The following RALGPS2 variants were observed in gnomAD, a reference collection of about 807,000 sequenced individuals.
RALGPS2 encodes the protein ras-specific guanine nucleotide-releasing factor RalGPS2.
RALGPS2 carries 43 observed loss-of-function variants against 86.8 expected under a neutral mutation model. The ratio of observed to expected loss-of-function variants is 0.50; its 90% confidence interval spans 0.39 to 0.64. The LOEUF is 0.64. RALGPS2 is among the 30% of genes least tolerant of loss of function. The pLI, the probability that RALGPS2 is intolerant of heterozygous loss-of-function variation, is 0.00. For synonymous variants in RALGPS2, 243 were observed against 231.3 expected (o/e 1.05, Z -0.46); for missense variants, 536 against 694.6 (o/e 0.77, Z 2.57).
At chr1:178,795,580 A>G (rs1244526816) in intron 4 of RALGPS2, among the ~76,000 whole-genome samples, 1 of 151,622 alleles carries the variant, frequency 6.6e-6, no homozygotes, top group Non-Finnish European at 1.5e-5. Flanking sequence ...CACCTGGCTA[A>G]TTTTTGTATT....
At chr1:178,740,845 C>T (rs780373827) in intron 1 of RALGPS2, among the ~76,000 whole-genome samples, 3 of 152,112 alleles carry the variant, frequency 2.0e-5, no homozygotes, top group Non-Finnish European at 4.4e-5. Context: ...AGAATTCTGG[C>T]TTTTTTACCA....
At chr1:178,815,539 C>T (rs1258552614) in intron 6 of RALGPS2, among the ~76,000 whole-genome samples, 1 of 152,080 alleles carries the variant, frequency 6.6e-6, no homozygotes, top group Non-Finnish European at 1.5e-5. Flanking sequence ...ATTTACTGAT[C>T]CTTAATTTCT....
chr1:178,768,851 A>T (rs866628044), intron 1 of RALGPS2, among the ~76,000 whole-genome samples: 4 of 152,344 alleles, frequency 2.6e-5, no homozygotes, highest in Middle Eastern at 6.8e-3. Flanking sequence ...CTACACATAG[A>T]TAGGAGTGGC....
intron 6 of RALGPS2, among the ~76,000 whole-genome samples, chr1:178,821,286 G>A (rs1360898320): frequency 6.6e-6 from 1 of 152,184 alleles, no homozygotes; most frequent in Non-Finnish European, 1.5e-5. Flanking sequence ...GTATAAGGGA[G>A]ACTGTTTACT....
intron 6 of RALGPS2, among the ~76,000 whole-genome samples, chr1:178,812,828 A>G (rs914680646): frequency 2.0e-5 from 3 of 151,930 alleles, no homozygotes; most frequent in East Asian, 1.9e-4. Context: ...CTAACATTCT[A>G]TGGCACTAGG....
chr1:178,810,455 G>A (rs141901291), intron 5 of RALGPS2, among the ~76,000 whole-genome samples: 165 of 151,528 alleles, frequency 1.1e-3, no homozygotes, highest in African/African-American at 3.8e-3. Context: ...TTAAGTTGGT[G>A]AACATGCACT....
intron 6 of RALGPS2, among the ~76,000 whole-genome samples, chr1:178,819,532 G>A (rs756795285): frequency 6.6e-6 from 1 of 152,142 alleles, no homozygotes. Context: ...TGGGCAATGT[G>A]TCCCATGAAG....
rs368946805 is a variant in RALGPS2 at position 178,809,075 on chromosome 1, C to T, written c.297+947C>T. Among the ~76,000 whole-genome samples the T allele has an allele frequency of 1.4e-4, 22 of 152,064 alleles. No individual in the cohort carries two copies. In the East Asian group the frequency reaches 3.9e-3, roughly 27 times the overall value. ...ATGTTGCCCAAGCTGGTCTCGAACT[C>T]CTGGCCTCAAGCGATCCTCCTGCCT... is the stretch of plus-strand genomic sequence containing the variant. On this transcript the variant is annotated intron_variant, in intron 5 of 19. Transcript: ENST00000367635.
At position 178,736,233 on chromosome 1, in the gene RALGPS2, G is replaced by T. The variant is rs116901590; in HGVS notation, c.-84+10814G>T. On this transcript the variant is annotated intron_variant, in intron 1 of 19. Transcript: ENST00000367635. ...CAGCCTGGAGTGCAGTGGTGATCTC[G>T]GCTCACTGCAGCCTCCGCCTCCTGG... Among the ~76,000 whole-genome samples, 1,536 of 149,346 alleles carry T rather than the reference G, an allele frequency of 0.01. 84 individuals carry two copies. In the East Asian group the frequency reaches 0.17, roughly 16 times the overall value.
chr1:178,913,707 A>T (rs921556721), intron 19 of RALGPS2, among the ~76,000 whole-genome samples: 1 of 152,096 alleles, frequency 6.6e-6, no homozygotes, highest in Non-Finnish European at 1.5e-5. Flanking sequence ...TAAGTTGGGT[A>T]TAGTCAATTG....
chr1:178,874,896 A>G (rs7555346), intron 8 of RALGPS2, among the ~76,000 whole-genome samples: 3,323 of 152,304 alleles, frequency 0.022, 141 homozygotes, highest in African/African-American at 0.076. Flanking sequence ...GATTACAGGC[A>G]TGAGCCACCG....
chr1:178,792,378 T>C (rs1420892874), intron 4 of RALGPS2, among the ~76,000 whole-genome samples: 1 of 152,236 alleles, frequency 6.6e-6, no homozygotes, highest in African/African-American at 2.4e-5. Context: ...TCTGTCCTTC[T>C]TCTGTTCTCC....
chr1:178,848,701 C>T (rs918825566), intron 8 of RALGPS2, among the ~76,000 whole-genome samples: 7 of 152,138 alleles, frequency 4.6e-5, no homozygotes, highest in African/African-American at 1.7e-4. Context: ...CCCCCAGGCT[C>T]GAGTGCAGTG....
intron 1 of RALGPS2, among the ~76,000 whole-genome samples, chr1:178,758,771 G>C (rs1273102006): frequency 6.6e-6 from 1 of 152,156 alleles, no homozygotes; most frequent in Non-Finnish European, 1.5e-5. Context: ...TGATGTATAT[G>C]TATAATATTT....
intron 4 of RALGPS2, among the ~76,000 whole-genome samples, chr1:178,807,075 G>A (rs1414098782): frequency 6.6e-6 from 1 of 152,182 alleles, no homozygotes; most frequent in African/African-American, 2.4e-5. Flanking sequence ...ATTCATGCCT[G>A]TAATCCCAGC....
At chr1:178,820,928 A>G (rs968385654) in intron 6 of RALGPS2, among the ~76,000 whole-genome samples, 3 of 152,226 alleles carry the variant, frequency 2.0e-5, no homozygotes, top group Admixed American at 2.0e-4. Context: ...AAAATGACTG[A>G]TTTTTAGACA....
chr1:178,821,552 T>C, intron 6 of RALGPS2, 60 bp from the exon 7 acceptor site: 1 of 1,299,728 alleles, frequency 7.7e-7, no homozygotes, highest in Non-Finnish European at 1.1e-6. Flanking sequence ...TAGTCTAAAT[T>C]TTCTTGTATT....
chr1:178,766,421 G>A (rs981778704), intron 1 of RALGPS2, among the ~76,000 whole-genome samples: 2 of 151,498 alleles, frequency 1.3e-5, no homozygotes, highest in African/African-American at 4.9e-5. Context: ...TAGAGATGGG[G>A]TTTTGCTGTG....
chr1:178,774,437 A>G (rs574470037), intron 1 of RALGPS2, among the ~76,000 whole-genome samples: 1 of 152,384 alleles, frequency 6.6e-6, no homozygotes, highest in African/African-American at 2.4e-5. Context: ...TACCTATTAA[A>G]TTAAAATCTT....
Sources: allele counts gnomAD v4.1 joint callset (sites outside exome capture counted in the v4.1 genomes callset), GRCh38; gene constraint gnomAD v4.1.1; transcripts MANE v1.5; gene names NCBI Gene and HGNC (gene_info 2026-07-23, HGNC 2026-07-21).